Variants in SCRG1 observed in about 807,000 individuals in gnomAD.
SCRG1 encodes stimulator of chondrogenesis 1, also known as scrapie-responsive protein 1.
SCRG1 carries 3 observed loss-of-function variants against 7.7 expected under a neutral mutation model. The observed-to-expected ratio is 0.39, with a 90% CI of 0.18 to 1.01. The LOEUF (loss-of-function observed/expected upper bound fraction) is 1.01. Among genes scored for constraint, SCRG1 ranks in the 50% least tolerant of loss-of-function variants. The pLI is 0.36. For synonymous variants in SCRG1, 46 were observed against 41.2 expected, an observed-to-expected ratio of 1.12 and a Z score of -0.44; for missense variants, 110 against 117.2, an observed-to-expected ratio of 0.94 and a Z score of 0.28.
At chr4:173,390,732 G>A (rs1739411302) in intron 2 of SCRG1, among the ~76,000 whole-genome samples, 2 of 152,016 alleles carry the variant, frequency 1.3e-5, no homozygotes, top group South Asian at 2.1e-4. Flanking sequence ...CAGGTGATCT[G>A]CCCAACTCAG....
At chr4:173,482,866 T>C in the SCRG1 span, among the ~76,000 whole-genome samples, 3 of 142,254 alleles carry the variant, frequency 2.1e-5, no homozygotes, top group Non-Finnish European at 4.5e-5. Flanking sequence ...ATATATTTCA[T>C]ATATATTTTT....
chr4:173,446,941 T>C, the SCRG1 span, among the ~76,000 whole-genome samples: 1 of 152,266 alleles, frequency 6.6e-6, no homozygotes, highest in Admixed American at 6.5e-5. Context: ...AAATGAACCA[T>C]GTGAGACAGT....
At chr4:173,464,202 T>A in the SCRG1 span, among the ~76,000 whole-genome samples, 2 of 152,216 alleles carry the variant, frequency 1.3e-5, no homozygotes, top group African/African-American at 4.8e-5. Flanking sequence ...AAATCACTTT[T>A]ATTTCAACCA....
At chr4:173,435,509 T>C in the SCRG1 span, among the ~76,000 whole-genome samples, 1 of 152,192 alleles carries the variant, frequency 6.6e-6, no homozygotes, top group Non-Finnish European at 1.5e-5. Flanking sequence ...CATCAGTGAT[T>C]TTCCCAGGCT....
intron 1 of SCRG1, among the ~76,000 whole-genome samples, chr4:173,405,594 A>G (rs933258976): frequency 6.6e-6 from 1 of 152,096 alleles, no homozygotes; most frequent in Non-Finnish European, 1.5e-5. Context: ...ATCATTGCTT[A>G]TTTATTTACT....
chr4:173,476,361 A>ATAT, the SCRG1 span, among the ~76,000 whole-genome samples: 460 of 51,404 alleles, frequency 8.9e-3, 13 homozygotes, highest in African/African-American at 0.02. Context: ...GGGGAAAAAA[A>ATAT]AAATATATAT....
the SCRG1 span, among the ~76,000 whole-genome samples, chr4:173,439,479 C>T: frequency 1.3e-5 from 2 of 150,302 alleles, no homozygotes; most frequent in Non-Finnish European, 3.0e-5. Flanking sequence ...TGTACCACTG[C>T]ACTCCAGCCT....
chr4:173,483,217 A>ATT, the SCRG1 span, among the ~76,000 whole-genome samples: 2 of 75,958 alleles, frequency 2.6e-5, no homozygotes, highest in Non-Finnish European at 4.5e-5. Context: ...TATATCATAT[A>ATT]ATATATATAT....
chr4:173,510,764 C>G, the SCRG1 span, among the ~76,000 whole-genome samples: 2 of 152,120 alleles, frequency 1.3e-5, no homozygotes, highest in Admixed American at 1.3e-4. The surrounding 1 kb of genome is among the most constrained non-coding windows in gnomAD (Gnocchi z 5.7). Flanking sequence ...GTCCTCCATC[C>G]CGCCTCCGCA....
upstream of SCRG1, among the ~76,000 whole-genome samples, chr4:173,403,476 G>A (rs1043890919): frequency 2.6e-5 from 4 of 152,032 alleles, no homozygotes; most frequent in South Asian, 4.2e-4. Context: ...CTTCGTCTGC[G>A]CCGCCCCGGG....
chr4:173,492,660 G>A, the SCRG1 span, among the ~76,000 whole-genome samples: 1 of 152,240 alleles, frequency 6.6e-6, no homozygotes, highest in Non-Finnish European at 1.5e-5. Flanking sequence ...CACGAGGCTG[G>A]AGACTAGACA....
At chr4:173,499,935 T>A in the SCRG1 span, among the ~76,000 whole-genome samples, 1 of 152,372 alleles carries the variant, frequency 6.6e-6, no homozygotes, top group East Asian at 1.9e-4. The surrounding 1 kb of genome is among the most constrained non-coding windows in gnomAD (Gnocchi z 4.1). Context: ...TTTTTCTGAA[T>A]GTAAAGGCAT....
the SCRG1 span, chr4:173,419,739 A>G: frequency 5.0e-6 from 6 of 1,192,080 alleles, no homozygotes; most frequent in African/African-American, 4.4e-5. Context: ...TCTGCGACCA[A>G]ATAGCAGGTA....
the SCRG1 span, among the ~76,000 whole-genome samples, chr4:173,421,255 T>G: frequency 6.6e-6 from 1 of 152,218 alleles, no homozygotes; most frequent in Admixed American, 6.5e-5. Flanking sequence ...CATCAGGCAC[T>G]GTGATAGCTA....
chr4:173,388,233 A>G lies in SCRG1; in HGVS notation c.*108T>C. ...TTGTCTTAGACAAGTAAGAATTTATAGAATCTATGCTCTATTGCACTATAT... is the reference window on the plus strand; with the variant it reads ...TTGTCTTAGACAAGTAAGAATTTATGGAATCTATGCTCTATTGCACTATAT... On this transcript the variant is annotated 3_prime_UTR_variant, in exon 3 of 3. Transcript: ENST00000296506. 1.6e-6 allele frequency: 1 copy of G among 617,452 alleles called. No homozygotes were observed. The allele number at this position is 617,452 out of a possible 1,614,324, so 38.2% of individuals were successfully genotyped here. A position where few individuals can be genotyped will look rare whatever the true frequency, so the allele number is the denominator to read the frequency against.
At chr4:173,482,818 ACACACACACATG>A in the SCRG1 span, among the ~76,000 whole-genome samples, 1 of 148,882 alleles carries the variant, frequency 6.7e-6, no homozygotes, top group African/African-American at 2.5e-5. Context: ...ACCCTGTCTC[ACACACACACATG>A]CACACACACA....
At chr4:173,483,284 G>GATATATTATATATTACATATCATATATT in the SCRG1 span, among the ~76,000 whole-genome samples, 1 of 32,194 alleles carries the variant, frequency 3.1e-5, no homozygotes, top group African/African-American at 9.5e-5. Context: ...TATAATATAT[G>GATATATTATATATTACATATCATATATT]ATATATCATA....
At chr4:173,506,271 T>C in the SCRG1 span, among the ~76,000 whole-genome samples, 35 of 152,310 alleles carry the variant, frequency 2.3e-4, no homozygotes, top group African/African-American at 8.2e-4. The surrounding 1 kb of genome is among the most constrained non-coding windows in gnomAD (Gnocchi z 5.3). Context: ...TGCCCAAAGT[T>C]TCAATTCCTT....
At chr4:173,409,625 G>A (rs550151761), upstream of SCRG1, among the ~76,000 whole-genome samples, 3 of 131,068 alleles carry the variant, frequency 2.3e-5, no homozygotes, top group Admixed American at 9.1e-5. Flanking sequence ...GTCTCGCTCT[G>A]TTGCCCATGC....
Sources: gnomAD v4.1 joint callset for allele counts (sites outside exome capture counted in the v4.1 genomes callset) on GRCh38, gnomAD v4.1.1 for gene constraint, Gnocchi (gnomAD v3.1) non-coding constraint, MANE v1.5 for transcripts, NCBI Gene and HGNC (gene_info 2026-07-23, HGNC 2026-07-21) for gene names.